The following CASK variants were observed in gnomAD, a reference collection of about 807,000 sequenced individuals.
The protein encoded by CASK is peripheral plasma membrane protein CASK.
Under a neutral mutation model 82.9 loss-of-function variants are expected in CASK, and 4 were observed. The observed-to-expected ratio is 0.05, with a 90% CI of 0.02 to 0.11. The LOEUF (loss-of-function observed/expected upper bound fraction) is 0.11. Among genes scored for constraint, CASK ranks in the 10% least tolerant of loss-of-function variants. The pLI is 1.00. For missense variants in CASK, 358 were observed against 720.9 expected (o/e 0.50, Z 5.76); for synonymous variants, 259 against 253.5 (o/e 1.02, Z -0.20).
chrX:41,740,427 T>C (rs1338297471), intron 4 of CASK, among the ~76,000 whole-genome samples: 1 of 109,778 alleles, frequency 9.1e-6, no homozygotes, highest in African/African-American at 3.3e-5. Context: ...GATCTTATAT[T>C]TCTGATACAA....
chrX:41,588,428 T>C (rs976385133), intron 13 of CASK: 3 of 111,397 alleles, frequency 2.7e-5, no homozygotes, highest in African/African-American at 9.8e-5. Flanking sequence ...TATCTGCGTA[T>C]TGTGAAGACA....
At chrX:41,854,915 A>G (rs1011579345) in intron 1 of CASK, among the ~76,000 whole-genome samples, 1 of 112,430 alleles carries the variant, frequency 8.9e-6, no homozygotes, top group African/African-American at 3.2e-5. Context: ...ACTTCTGATT[A>G]CTTATCCTGA....
intron 11 of CASK, among the ~76,000 whole-genome samples, chrX:41,621,046 G>T (rs1171847088): frequency 9.1e-6 from 1 of 109,951 alleles, no homozygotes; most frequent in African/African-American, 3.3e-5. Context: ...CTCGTGTAAA[G>T]CTTTACAACT....
chrX:41,831,370 G>A (rs2070808245), intron 2 of CASK, among the ~76,000 whole-genome samples: 1 of 112,072 alleles, frequency 8.9e-6, no homozygotes. Context: ...ATCTTCAGTT[G>A]CAAAATGTAG....
At chrX:41,770,308 CT>C (rs1429044247) in intron 3 of CASK, among the ~76,000 whole-genome samples, 2 of 102,677 alleles carry the variant, frequency 1.9e-5, no homozygotes, top group African/African-American at 7.2e-5. Flanking sequence ...ACCTACCTAC[CT>C]ACCTATCCAT....
intron 11 of CASK, among the ~76,000 whole-genome samples, chrX:41,612,517 C>T (rs1397778594): frequency 2.6e-4 from 28 of 107,379 alleles, no homozygotes; most frequent in Non-Finnish European, 5.1e-4. Flanking sequence ...CCACCCCGTC[C>T]GGGAAGGAGG....
intron 11 of CASK, among the ~76,000 whole-genome samples, chrX:41,618,375 C>T (rs186897267): frequency 4.3e-4 from 48 of 111,515 alleles, no homozygotes; most frequent in African/African-American, 1.4e-3. Context: ...TCCTGGCTCA[C>T]TGCAGCCTCG....
intron 13 of CASK, among the ~76,000 whole-genome samples, chrX:41,588,678 T>C (rs1602308927): frequency 9.1e-6 from 1 of 109,859 alleles, no homozygotes; most frequent in East Asian, 2.8e-4. Flanking sequence ...AATTTCACTT[T>C]ATAAGAAATA....
At chrX:41,734,751 G>C (rs1469500256) in intron 5 of CASK, among the ~76,000 whole-genome samples, 1 of 111,018 alleles carries the variant, frequency 9.0e-6, no homozygotes, top group Non-Finnish European at 1.9e-5. Context: ...AGTGGGTGAA[G>C]GATGCTTAGC....
intron 1 of CASK, among the ~76,000 whole-genome samples, chrX:41,882,643 C>T (rs2071972694): frequency 9.0e-6 from 1 of 111,587 alleles, no homozygotes; most frequent in South Asian, 3.7e-4. Flanking sequence ...TGTAAGTTCA[C>T]TTTCTTCTTA....
At chrX:41,769,894 G>A (rs1038174654) in intron 3 of CASK, among the ~76,000 whole-genome samples, 2 of 111,546 alleles carry the variant, frequency 1.8e-5, no homozygotes, top group Non-Finnish European at 3.8e-5. Context: ...GCAGTGAGCT[G>A]TGATTGAGCC....
chrX:41,710,656 T>G (rs1329495903), intron 5 of CASK, among the ~76,000 whole-genome samples: 2 of 112,144 alleles, frequency 1.8e-5, no homozygotes, highest in Non-Finnish European at 3.8e-5. Flanking sequence ...GATGTCTTTT[T>G]GTATGCTAAT....
chrX:41,717,765 C>T (rs138339728), intron 5 of CASK, among the ~76,000 whole-genome samples: 273 of 111,670 alleles, frequency 2.4e-3, no homozygotes, highest in African/African-American at 8.4e-3. Context: ...AGTAATTTGG[C>T]GGTATCTTTT....
At chrX:41,855,398 A>G (rs1476935105) in intron 1 of CASK, among the ~76,000 whole-genome samples, 1 of 111,628 alleles carries the variant, frequency 9.0e-6, no homozygotes, top group African/African-American at 3.3e-5. Context: ...ACAATGGTAA[A>G]CCAAATTTAA....
At chrX:41,644,141 A>T (rs1322156596) in intron 8 of CASK, among the ~76,000 whole-genome samples, 1 of 111,595 alleles carries the variant, frequency 9.0e-6, no homozygotes. Flanking sequence ...ATCGTGGTGG[A>T]TAAGCTTTTT....
At chrX:41,751,515 G>A (rs1224671342) in intron 3 of CASK, among the ~76,000 whole-genome samples, 1 of 109,548 alleles carries the variant, frequency 9.1e-6, no homozygotes, top group Non-Finnish European at 1.9e-5. Flanking sequence ...CTGCCCTAGG[G>A]GAAGAATGTG....
intron 1 of CASK, among the ~76,000 whole-genome samples, chrX:41,872,783 C>A (rs922488321): frequency 9.0e-6 from 1 of 110,690 alleles, no homozygotes; most frequent in African/African-American, 3.3e-5. Flanking sequence ...ATCCAGCATA[C>A]CAGATTACAT....
intron 12 of CASK, among the ~76,000 whole-genome samples, chrX:41,609,050 T>C (rs1455974714): frequency 8.9e-6 from 1 of 112,303 alleles, no homozygotes; most frequent in Non-Finnish European, 1.9e-5. Context: ...TATAAAGATA[T>C]ATAAATTTTT....
At chrX:41,668,589 G>A (rs1418158071) in intron 6 of CASK, among the ~76,000 whole-genome samples, 1 of 111,494 alleles carries the variant, frequency 9.0e-6, no homozygotes, top group African/African-American at 3.3e-5. Context: ...CAGGTAGGGG[G>A]AGTGTAAATA....
Sources: gnomAD v4.1 joint callset for allele counts (sites outside exome capture counted in the v4.1 genomes callset) on GRCh38, gnomAD v4.1.1 for gene constraint, MANE v1.5 for transcripts, NCBI Gene and HGNC (gene_info 2026-07-23, HGNC 2026-07-21) for gene names.